The following LTBP4 variants were observed in gnomAD, a reference collection of about 807,000 sequenced individuals.
LTBP4 encodes the protein latent-transforming growth factor beta-binding protein 4.
LTBP4 carries 93 observed loss-of-function variants against 180.2 expected under a neutral mutation model. That is an observed-to-expected ratio of 0.52 (90% CI 0.44 to 0.61). The LOEUF is 0.61. LTBP4 is among the 20% of genes least tolerant of loss of function. The pLI, the probability that LTBP4 is intolerant of heterozygous loss-of-function variation, is 0.00. For missense variants in LTBP4, 2,116 were observed against 2,256.5 expected (o/e 0.94, Z 1.26); for synonymous variants, 947 against 934.5 (o/e 1.01, Z -0.24).
Position 40,605,934 on chromosome 19 carries a change from C to T in LTBP4, c.793+103C>T. 1 of 1,256,446 alleles carries T rather than the reference C, an allele frequency of 8.0e-7. No individual in the cohort carries two copies. The highest frequency in any genetic ancestry group is 1.1e-6 in the Non-Finnish European group (1 of 917,768). The allele number at this position is 1,256,446 out of a possible 1,614,324, so 77.8% of individuals were successfully genotyped here. On this transcript the variant is annotated intron_variant, in intron 4 of 29. Transcript: ENST00000396819. The surrounding 1 kb of genome is among the most constrained non-coding windows in gnomAD (Gnocchi z 5.5). ...GATAAACCCAGTTCACAAATTGTAGCCACGCCTACCCCATTGTGGAGGCGA... is the reference window on the plus strand; with the variant it reads ...GATAAACCCAGTTCACAAATTGTAGTCACGCCTACCCCATTGTGGAGGCGA...
At position 40,611,653 on chromosome 19, in the gene LTBP4, G is replaced by A. The variant is rs2081507290; in HGVS notation, c.2054-206G>A. Among the ~76,000 whole-genome samples, 2 of 152,190 alleles carry A rather than the reference G, an allele frequency of 1.3e-5. No homozygotes were observed. Among genetic ancestry groups the A allele is most frequent in the Admixed American group, 1.3e-4 (2 of 15,276 alleles). ...TCACCTGAGGCAGGGCAGGCAACAT[G>A]GAGTTGGTGCCTTAGCCCCCACCTT... is the stretch of plus-strand genomic sequence containing the variant. On this transcript the variant is annotated intron_variant, in intron 13 of 29. Coordinates refer to ENST00000396819, the MANE Select transcript of LTBP4 (RefSeq NM_001042545.2). This position sits in a 1 kb window ranked among gnomAD's most constrained non-coding sequence, Gnocchi z 4.4.
At position 40,607,413 on chromosome 19, in the gene LTBP4, G is replaced by A. The variant is rs761100424; in HGVS notation, c.1040G>A (p.Arg347His). ...AAAGGGCCCTGCTTCCGCGTGCTCC[G>A]CGACGGCGGCTGTTCGCTGCCCATT... ...EAKGPCFRVL[R>H]DGGCSLPILR... Residue 347 changes from arginine (R) to histidine (H), a missense_variant, in exon 7 of 30, where the codon CGC becomes CAC. Physicochemically the swap from Arg to His is conservative, Grantham distance 29 (BLOSUM62 0). This residue lies in a region of LTBP4 where 469 missense variants were observed against 532.5 expected (regional missense o/e 0.88). Transcript: ENST00000396819. The A allele has an allele frequency of 1.2e-6, 2 of 1,613,086 alleles. No individual in the cohort carries two copies. The highest frequency in any genetic ancestry group is 2.2e-5 in the South Asian group (2 of 90,874).
In LTBP4 at chr19:40,627,799, C is replaced by T. The variant is rs568829084; in HGVS notation, c.4461C>T (p.Gly1487=). ...GCCGCTGCGTGCGCGTCCCCGAAGG[C>T]TTCACCTGCCGTTGCTTCGACGGCT... ...TNGRCVRVPE[G]FTCRCFDGYR... is the part of the protein sequence containing the mutation. The change falls in exon 29 of 30, where the codon GGC becomes GGT. Residue 1487 remains glycine, a synonymous_variant. Transcript: ENST00000396819. 178 of 1,568,426 alleles carry T rather than the reference C, an allele frequency of 1.1e-4. No homozygotes were observed. The highest frequency in any genetic ancestry group is 1.4e-4 in the Non-Finnish European group (165 of 1,161,596).
chr19:40,616,756 G>T (rs936759887), intron 19 of LTBP4, 133 bp from the exon 20 acceptor site: 19 of 1,101,882 alleles, frequency 1.7e-5, no homozygotes, highest in Non-Finnish European at 2.4e-5. Flanking sequence ...TTTCAACATT[G>T]TTGATCTTCA....
Position 40,608,166 on chromosome 19 carries a change from A to G in LTBP4, c.1157-54A>G. ...GCCAAGGCCAGAGTCTGGGCTGGCC[A>G]TCGTTTTCTTCCCGCTCTCTTGTCC... On this transcript the variant is annotated intron_variant, in intron 7 of 29. Transcript: ENST00000396819. The G allele has an allele frequency of 1.1e-5, 18 of 1,604,666 alleles. No individual in the cohort carries two copies. The South Asian group carries it at 2.0e-4, about 18-fold the overall frequency.
In LTBP4 at chr19:40,629,137, C is replaced by T. The variant is rs539811050; in HGVS notation, c.4520-259C>T. ...GTGCTGAGATTACAGGCATGAGCCA[C>T]CGCGCCCGGCCATTATTATTTTCTT... On this transcript the variant is annotated intron_variant, in intron 29 of 29. Transcript: ENST00000396819. This position sits in a 1 kb window ranked among gnomAD's most constrained non-coding sequence, Gnocchi z 4.5. Among the ~76,000 whole-genome samples, 9 of 152,304 alleles carry T rather than the reference C, an allele frequency of 5.9e-5. No individual in the cohort carries two copies. In the East Asian group the frequency reaches 1.2e-3, roughly 20 times the overall value.
At chr19:40,606,754 CTTTT>C (rs201424692) in intron 6 of LTBP4, among the ~76,000 whole-genome samples, 2 of 149,474 alleles carry the variant, frequency 1.3e-5, no homozygotes, top group African/African-American at 4.9e-5. Flanking sequence ...GACTCCCAGA[CTTTT>C]TTTTTTGGAG....
intron 7 of LTBP4, 46 bp downstream of exon 7, chr19:40,607,575 C>A (rs781755772): frequency 3.3e-6 from 5 of 1,536,936 alleles, no homozygotes; most frequent in African/African-American, 2.7e-5. Flanking sequence ...ACACATGTGG[C>A]GCTCATTCTA....
chr19:40,626,902 C>G, intron 27 of LTBP4, 73 bp from the exon 28 acceptor site: 1 of 1,466,980 alleles, frequency 6.8e-7, no homozygotes, highest in Non-Finnish European at 9.0e-7. Context: ...GCCTCCTCTC[C>G]CAAGGGGGGT....
At chr19:40,593,761 T>C (rs2081377741) in intron 1 of LTBP4, among the ~76,000 whole-genome samples, 1 of 151,850 alleles carries the variant, frequency 6.6e-6, no homozygotes, top group South Asian at 2.1e-4. Flanking sequence ...CTGGTCATTC[T>C]ATTCTTATTT....
intron 26 of LTBP4, among the ~76,000 whole-genome samples, chr19:40,625,574 C>A (rs1212538411): frequency 6.6e-6 from 1 of 152,020 alleles, no homozygotes; most frequent in Non-Finnish European, 1.5e-5. Context: ...GCCCCGAGGC[C>A]ACACAGCCCT....
At chr19:40,621,331 G>A (rs768223926) in intron 22 of LTBP4, among the ~76,000 whole-genome samples, 8 of 152,110 alleles carry the variant, frequency 5.3e-5, no homozygotes, top group Non-Finnish European at 1.0e-4. Flanking sequence ...ACATCCATGA[G>A]TACCCACTGT....
intron 19 of LTBP4, among the ~76,000 whole-genome samples, chr19:40,615,889 G>A (rs2081545470): frequency 6.6e-6 from 1 of 152,218 alleles, no homozygotes; most frequent in South Asian, 2.1e-4. Context: ...GCGACAGTTG[G>A]CATACCAATA....
chr19:40,610,110 G>T (rs1007615379), intron 11 of LTBP4: 7 of 548,670 alleles, frequency 1.3e-5, no homozygotes, highest in Admixed American at 7.1e-5. Context: ...GTCGCAACTC[G>T]TATTGCTCCG....
upstream of LTBP4, chr19:40,599,297 A>C (rs570804377): frequency 1.3e-5 from 21 of 1,613,494 alleles, no homozygotes; most frequent in Admixed American, 1.5e-4. Context: ...GGCAAAAGGG[A>C]ATAGGAGGAG....
intron 1 of LTBP4, 38 bp downstream of exon 1, chr19:40,601,675 G>C (rs754636301): frequency 5.3e-6 from 7 of 1,309,370 alleles, no homozygotes; most frequent in East Asian, 3.1e-5. Flanking sequence ...AGCGGCTCCG[G>C]GGGGGAGGAG....
In LTBP4 at chr19:40,608,497, C is replaced by T. The variant is rs779240187; in HGVS notation, c.1320C>T (p.Thr440=). Residue 440 remains threonine, a synonymous_variant, in exon 9 of 30, where the codon ACC becomes ACT. Coordinates refer to ENST00000396819, the MANE Select transcript of LTBP4 (RefSeq NM_001042545.2). ...CTTCTTTATCAGGCTTTCTGCCCAC[C>T]CATCGCCTGGAGCCCCGGCCTGAAC... ...TSRPSAGFLP[T]HRLEPRPEPR... 6.2e-7 allele frequency: 1 copy of T among 1,604,338 alleles called. No individual in the cohort carries two copies. The highest frequency in any genetic ancestry group is 8.5e-7 in the Non-Finnish European group (1 of 1,175,748).
intron 26 of LTBP4, among the ~76,000 whole-genome samples, chr19:40,624,392 TTTTA>T (rs1433943389): frequency 6.6e-6 from 1 of 152,254 alleles, no homozygotes; most frequent in Non-Finnish European, 1.5e-5. Context: ...TTTTATTTAA[TTTTA>T]TTTATTTATT....
chr19:40,627,331 C>T lies in LTBP4; in HGVS notation c.4342C>T (p.Pro1448Ser), dbSNP rs1362083628. ...TRRSFPEPEEPPEGGSYAGSL... is the reference protein window; with the variant it reads ...TRRSFPEPEESPEGGSYAGSL... ...CCGCTCCTTCCCAGAGCCCGAGGAG[C>T]CTCCTGAAGGTGGAAGCTATGCTGG... The change falls in exon 28 of 30, where the codon CCT (proline) becomes TCT (serine). Residue 1448 changes from proline (P) to serine (S), a missense_variant. Around this residue, in one of 5 missense-constraint regions of LTBP4, gnomAD observed 488 missense variants for 458.8 expected, o/e 1.06. Coordinates refer to ENST00000396819, the MANE Select transcript of LTBP4 (RefSeq NM_001042545.2). 1.3e-6 allele frequency: 2 copies of T among 1,517,832 alleles called. No homozygotes were observed. Among genetic ancestry groups the T allele is most frequent in the Non-Finnish European group, 1.8e-6 (2 of 1,134,824 alleles). The allele number at this position is 1,517,832 out of a possible 1,614,324, so 94.0% of individuals were successfully genotyped here. A position where few individuals can be genotyped will look rare whatever the true frequency, so the allele number is the denominator to read the frequency against.
Sources: gnomAD v4.1 joint callset for allele counts (sites outside exome capture counted in the v4.1 genomes callset) on GRCh38, gnomAD v4.1.1 for gene constraint, gnomAD v4.1.1 regional missense constraint, Gnocchi (gnomAD v3.1) non-coding constraint, MANE v1.5 for transcripts, NCBI Gene and HGNC (gene_info 2026-07-23, HGNC 2026-07-21) for gene names.